MYH8: variants seen among roughly 807,000 people sequenced by gnomAD.
MYH8 encodes myosin-8.
In MYH8, 168 loss-of-function variants were observed where a neutral mutation model predicts 233.2. The ratio of observed to expected loss-of-function variants is 0.72; its 90% CI spans 0.64 to 0.82. The LOEUF (loss-of-function observed/expected upper bound fraction) is 0.82, where lower values mean the gene tolerates loss of function less well. Among genes scored for constraint, MYH8 ranks in the 40% least tolerant of loss-of-function variants. MYH8 has a pLI of 0.00. For missense variants in MYH8, 1,995 were observed against 2,327.8 expected (o/e 0.86, Z 2.94); for synonymous variants, 785 against 850.6 (o/e 0.92, Z 1.34).
rs781240971 is a variant in MYH8 at position 10,409,114 on chromosome 17, C to T, written c.1948G>A (p.Val650Met). Reference sequence around the variant, plus strand: ...TACTTTACCCTGAAAAGGGCAGACACAGTCTGGAAAGAAGAGCCCTTTTTC... The same window carrying T: ...TACTTTACCCTGAAAAGGGCAGACATAGTCTGGAAAGAAGAGCCCTTTTTC... ...AKKKGSSFQT[V>M]SALFRENLNK... Residue 650 changes from valine to methionine, a missense_variant, in exon 17 of 40, where the codon GTG (valine) becomes ATG (methionine). Around this residue, in one of 3 missense-constraint regions of MYH8, gnomAD observed 1,498 missense variants for 1,680.9 expected, o/e 0.89. Coordinates refer to ENST00000403437, the MANE Select transcript of MYH8 (RefSeq NM_002472.3). 15 of 1,614,078 alleles carry T rather than the reference C, an allele frequency of 9.3e-6. No homozygotes were observed. The East Asian group carries it at 2.9e-4, about 31-fold the overall frequency.
At chr17:10,421,465 G>A (rs1487553910) in intron 2 of MYH8, among the ~76,000 whole-genome samples, 198 bp downstream of exon 2, 3 of 152,122 alleles carry the variant, frequency 2.0e-5, no homozygotes, top group African/African-American at 7.2e-5. Context: ...TTGAATCTTG[G>A]AACCCAAATG....
At position 10,395,355 on chromosome 17, in the gene MYH8, T is replaced by G. The variant is rs61730806; in HGVS notation, c.4740A>C (p.Ala1580=). 5.7e-4 allele frequency: 921 copies of G among 1,614,186 alleles called. 5 individuals are homozygous for G. The African/African-American group carries it at 0.011, about 19-fold the overall frequency. Reference sequence around the variant, plus strand: ...GCTGGTCAATTTCCTCATCCTTTTCTGCGATTTTTCTATCAACTTCAGACT... The same window carrying G: ...GCTGGTCAATTTCCTCATCCTTTTCGGCGATTTTTCTATCAACTTCAGACT... ...QVKSEVDRKI[A]EKDEEIDQLK... The change falls in exon 34 of 40, where the codon GCA becomes GCC. Residue 1580 remains alanine, a synonymous_variant. Coordinates refer to ENST00000403437, the MANE Select transcript of MYH8 (RefSeq NM_002472.3).
Position 10,396,714 on chromosome 17 carries a change from A to G in MYH8, c.4367T>C (p.Leu1456Pro). The G allele has an allele frequency of 1.2e-6, 2 of 1,614,200 alleles. No individual in the cohort carries two copies. The highest frequency in any genetic ancestry group is 8.5e-7 in the Non-Finnish European group (1 of 1,180,034). ...DKKQRNFDKVLSEWKQKYEET... is the reference protein window; with the variant it reads ...DKKQRNFDKVPSEWKQKYEET... ...CTCATACTTCTGCTTCCATTCTGAT[A>G]GGACCTGAAAAGCAATAAATCATGA... The change falls in exon 32 of 40, where the codon CTA becomes CCA. Residue 1456 changes from leucine to proline, a missense_variant. Physicochemically the swap from Leu to Pro is moderately conservative, Grantham distance 98. Transcript: ENST00000403437. The surrounding 1 kb of genome is among the most constrained non-coding windows in gnomAD (Gnocchi z 4.2).
At chr17:10,395,902 A>G (rs8079490) in intron 33 of MYH8, among the ~76,000 whole-genome samples, 88,181 of 151,390 alleles carry the variant, frequency 0.58, 26,746 homozygotes, top group African/African-American at 0.71. Context: ...AGAGAAAAAC[A>G]TTTTAATATG....
At chr17:10,402,321 T>A (rs998792988) in intron 22 of MYH8, among the ~76,000 whole-genome samples, 1 of 152,020 alleles carries the variant, frequency 6.6e-6, no homozygotes, top group Non-Finnish European at 1.5e-5. Flanking sequence ...AGAAGAAAAA[T>A]AATTTAAATA....
intron 22 of MYH8, 120 bp from the exon 23 acceptor site, chr17:10,401,905 A>C (rs2072147085): frequency 1.5e-6 from 2 of 1,345,316 alleles, no homozygotes; most frequent in Admixed American, 1.8e-5. Context: ...TATGAATATA[A>C]ATTTAATTTA....
chr17:10,404,641 T>G, intron 21 of MYH8, 56 bp from the exon 22 acceptor site: 1 of 1,605,242 alleles, frequency 6.2e-7, no homozygotes, highest in Non-Finnish European at 8.5e-7. Context: ...AATGTTATTG[T>G]TACTTATCAC....
intron 35 of MYH8, 51 bp downstream of exon 35, chr17:10,394,198 G>A (rs373464717): frequency 2.6e-5 from 41 of 1,606,994 alleles, no homozygotes; most frequent in Middle Eastern, 1.7e-4. Flanking sequence ...GTTATAATTC[G>A]AATGCATCAG....
Position 10,417,055 on chromosome 17 carries a change from T to C in MYH8, c.512-1347A>G, listed in dbSNP as rs1187400054. On this transcript the variant is annotated intron_variant, in intron 5 of 39. Coordinates refer to ENST00000403437, the MANE Select transcript of MYH8 (RefSeq NM_002472.3). The surrounding 1 kb of genome is among the most constrained non-coding windows in gnomAD (Gnocchi z 4.1). ...GCCTCTTCCCAGCTTTTGATGTCACTAGTTTGACTTCTGGCAATACTAAAT... is the reference window on the plus strand; with the variant it reads ...GCCTCTTCCCAGCTTTTGATGTCACCAGTTTGACTTCTGGCAATACTAAAT... Among the ~76,000 whole-genome samples the C allele has an allele frequency of 6.6e-6, 1 of 152,196 alleles. No homozygotes were observed. Among genetic ancestry groups the C allele is most frequent in the African/African-American group, 2.4e-5 (1 of 41,462 alleles).
Position 10,414,466 on chromosome 17 carries a change from C to T in MYH8, c.824G>A (p.Arg275Lys). The change falls in exon 10 of 40, where the codon AGA becomes AAA. Residue 275 changes from arginine (R) to lysine (K), a missense_variant. Around this residue, in one of 3 missense-constraint regions of MYH8, gnomAD observed 479 missense variants for 600.9 expected, o/e 0.80. Transcript: ENST00000403437. ...DIETYLLEKS[R>K]VTFQLKAERS... ...TTCCGCCTTTAGCTGGAAAGTAACT[C>T]TGGACTTTTCTAAAAGATCTGGAGA... is the stretch of plus-strand genomic sequence containing the variant. 4 of 1,610,584 alleles carry T rather than the reference C, an allele frequency of 2.5e-6. No individual in the cohort carries two copies. The highest frequency in any genetic ancestry group is 3.4e-6 in the Non-Finnish European group (4 of 1,176,990).
chr17:10,404,564 C>T lies in MYH8; in HGVS notation c.2454G>A (p.Gln818=), dbSNP rs2072173252. The change falls in exon 22 of 40, where the codon CAG becomes CAA. Residue 818 remains glutamine (Q), a synonymous_variant. Transcript: ENST00000403437. ...LQRREALFCI[Q]YNVRAFMNVK... ...CGTTCATGAAGGCACGGACATTATA[C>T]TGGATGCAGAAAAGTGCTTCTCTGC... is the stretch of plus-strand genomic sequence containing the variant. The T allele has an allele frequency of 2.5e-6, 4 of 1,613,994 alleles. No homozygotes were observed. The highest frequency in any genetic ancestry group is 2.2e-5 in the South Asian group (2 of 91,084).
chr17:10,394,705 A>G (rs374275903), intron 34 of MYH8, among the ~76,000 whole-genome samples: 2 of 152,164 alleles, frequency 1.3e-5, no homozygotes, highest in East Asian at 1.9e-4. Context: ...TCATTTGTGG[A>G]GCAGTTTCCA....
Position 10,392,527 on chromosome 17 carries a change from G to A in MYH8, c.5568+15C>T, listed in dbSNP as rs2072035562. The A allele has an allele frequency of 6.2e-7, 1 of 1,605,586 alleles. No homozygotes were observed. The highest frequency in any genetic ancestry group is 1.7e-5 in the Admixed American group (1 of 60,006). On this transcript the variant is annotated intron_variant, in intron 38 of 39. Coordinates refer to ENST00000403437, the MANE Select transcript of MYH8 (RefSeq NM_002472.3). ...GGCAGGAAGAGTGGATATTCTGGAA[G>A]GCTATTCCCTTTACCTGGTAGGTGA...
Position 10,415,255 on chromosome 17 carries a change from T to A in MYH8, c.741+37A>T. 1 of 1,604,560 alleles carries A rather than the reference T, an allele frequency of 6.2e-7. No homozygotes were observed. Among genetic ancestry groups the A allele is most frequent in the Non-Finnish European group, 8.5e-7 (1 of 1,171,322 alleles). On this transcript the variant is annotated intron_variant, in intron 8 of 39. Coordinates refer to ENST00000403437, the MANE Select transcript of MYH8 (RefSeq NM_002472.3). The surrounding 1 kb of genome is among the most constrained non-coding windows in gnomAD (Gnocchi z 4.1). ...AATGAAATAATAATTCAGACGTGGC[T>A]ACTCTGGAAGTTAGGGGTTGAGACC...
In MYH8 at chr17:10,412,437, A is replaced by G; in HGVS notation, c.1349T>C (p.Leu450Pro). 6.2e-7 allele frequency: 1 copy of G among 1,614,248 alleles called. No individual in the cohort carries two copies. The highest frequency in any genetic ancestry group is 8.5e-7 in the Non-Finnish European group (1 of 1,180,050). The change falls in exon 14 of 40, where the codon CTG (leucine) becomes CCG (proline). Residue 450 changes from leucine to proline, a missense_variant. Around this residue, in one of 3 missense-constraint regions of MYH8, gnomAD observed 479 missense variants for 600.9 expected, o/e 0.80. Coordinates refer to ENST00000403437, the MANE Select transcript of MYH8 (RefSeq NM_002472.3). ...GTACTGCCTGGGCTGCTTGGTGTCC[A>G]GCTGCTGGTTGATGCGGGTGACCAT... is the stretch of plus-strand genomic sequence containing the variant. ...LWMVTRINQQLDTKQPRQYFI... is the reference protein window; with the variant it reads ...LWMVTRINQQPDTKQPRQYFI...
intron 2 of MYH8, among the ~76,000 whole-genome samples, chr17:10,420,525 A>G (rs1274905323): frequency 6.6e-6 from 1 of 152,002 alleles, no homozygotes; most frequent in African/African-American, 2.4e-5. Context: ...TTAGAATGAA[A>G]CCTCTACAGC....
intron 28 of MYH8, among the ~76,000 whole-genome samples, chr17:10,399,183 G>C (rs2072109880): frequency 6.6e-6 from 1 of 151,798 alleles, no homozygotes; most frequent in Non-Finnish European, 1.5e-5. Context: ...TGGACATCAT[G>C]TCAGCCCTCA....
chr17:10,395,415 C>A lies in MYH8; in HGVS notation c.4680G>T (p.Lys1560Asn). 2 of 1,614,118 alleles carry A rather than the reference C, an allele frequency of 1.2e-6. No homozygotes were observed. Among genetic ancestry groups the A allele is most frequent in the Non-Finnish European group, 1.7e-6 (2 of 1,179,996 alleles). The change falls in exon 34 of 40, where the codon AAG (lysine) becomes AAT (asparagine). Residue 1560 changes from lysine to asparagine, a missense_variant. Physicochemically the swap from Lys to Asn is moderately conservative, Grantham distance 94. Around this residue, in one of 3 missense-constraint regions of MYH8, gnomAD observed 1,498 missense variants for 1,680.9 expected, o/e 0.89. Transcript: ENST00000403437. ...TTAACTCAAGCTGGATACGCAGAAT[C>A]TTTCCTTCTTCATGTTCAAGAGATG... Reference protein sequence around the residue: ...AEASLEHEEGKILRIQLELNQ... With the variant: ...AEASLEHEEGNILRIQLELNQ...
chr17:10,392,396 T>A lies in MYH8; in HGVS notation c.5568+146A>T, dbSNP rs1296903823. On this transcript the variant is annotated intron_variant, in intron 38 of 39. Transcript: ENST00000403437. The stretch of plus-strand genomic sequence containing the variant: ...AGGCCTCCCTAAGTTTTAGTATAGG[T>A]CTGTGATAAGCAACTGTCTTTACTC... 5 of 781,842 alleles carry A rather than the reference T, an allele frequency of 6.4e-6. No homozygotes were observed. The East Asian group carries it at 1.3e-4, about 20-fold the overall frequency. The allele number at this position is 781,842 out of a possible 1,614,324, so 48.4% of individuals were successfully genotyped here.
Sources: allele counts gnomAD v4.1 joint callset (sites outside exome capture counted in the v4.1 genomes callset), GRCh38; gene constraint gnomAD v4.1.1; regional missense constraint gnomAD v4.1.1; non-coding constraint Gnocchi (gnomAD v3.1); transcripts MANE v1.5; gene names NCBI Gene and HGNC (gene_info 2026-07-23, HGNC 2026-07-21).